Variants in CADM2 observed in about 807,000 individuals in gnomAD.
CADM2 encodes cell adhesion molecule 2, also known as immunoglobulin superfamily member 4D.
In CADM2, 12 loss-of-function variants were observed where a neutral mutation model predicts 49.8. The observed-to-expected ratio is 0.24, with a 90% CI of 0.15 to 0.39. The LOEUF is 0.39. Ranked by LOEUF, CADM2 falls within the 10% of genes least tolerant of loss-of-function variation. The pLI, the probability that CADM2 is intolerant of heterozygous loss-of-function variation, is 1.00. For synonymous variants in CADM2, 214 were observed against 175.4 expected (o/e 1.22, Z -1.74); for missense variants, 378 against 492.3 (o/e 0.77, Z 2.20).
At chr3:85,864,069 A>T (rs62261728) in intron 3 of CADM2, among the ~76,000 whole-genome samples, 2 of 152,202 alleles carry the variant, frequency 1.3e-5, no homozygotes, top group Non-Finnish European at 2.9e-5. Context: ...GAGTCCAGGA[A>T]CTAGGAGAAT....
At chr3:85,289,886 T>C (rs1453846116) in intron 1 of CADM2, among the ~76,000 whole-genome samples, 3 of 152,218 alleles carry the variant, frequency 2.0e-5, no homozygotes, top group African/African-American at 7.2e-5. Context: ...ATATTAGATA[T>C]GTTAAATAAA....
intron 3 of CADM2, among the ~76,000 whole-genome samples, chr3:85,866,472 G>GGCCAAA (rs1401525661): frequency 2.0e-5 from 3 of 152,014 alleles, no homozygotes. Context: ...CCATAGCCCT[G>GGCCAAA]ATTTGTGAAT....
At chr3:85,707,389 G>GT (rs2066982515) in intron 1 of CADM2, among the ~76,000 whole-genome samples, 1 of 113,464 alleles carries the variant, frequency 8.8e-6, no homozygotes, top group South Asian at 3.3e-4. Context: ...CTATATCATT[G>GT]TATCTTTTTT....
intron 1 of CADM2, among the ~76,000 whole-genome samples, chr3:85,117,157 G>T (rs1027136837): frequency 6.6e-6 from 1 of 152,028 alleles, no homozygotes; most frequent in Non-Finnish European, 1.5e-5. Context: ...GGAGGTGGAG[G>T]TTGCAGTGAG....
intron 1 of CADM2, among the ~76,000 whole-genome samples, chr3:85,456,861 G>A (rs901553511): frequency 3.5e-5 from 5 of 141,450 alleles, no homozygotes; most frequent in African/African-American, 1.3e-4. Context: ...ATACTCCCTT[G>A]TTTTTAGATC....
At chr3:85,531,380 A>G (rs894888537) in intron 1 of CADM2, among the ~76,000 whole-genome samples, 4 of 152,182 alleles carry the variant, frequency 2.6e-5, no homozygotes, top group Admixed American at 2.6e-4. Context: ...TTTTTTTGAC[A>G]GTATGAACTG....
intron 1 of CADM2, among the ~76,000 whole-genome samples, chr3:85,441,645 C>T (rs2037207167): frequency 6.6e-6 from 1 of 151,952 alleles, no homozygotes; most frequent in South Asian, 2.1e-4. Context: ...GCCTAAGTTC[C>T]AGGAAAATAC....
chr3:85,331,979 G>A (rs545559298), intron 1 of CADM2, among the ~76,000 whole-genome samples: 50 of 152,112 alleles, frequency 3.3e-4, no homozygotes, highest in Middle Eastern at 3.4e-3. Flanking sequence ...AGTACAAAAG[G>A]TCAACACCTT....
At chr3:85,746,094 G>A (rs866862421) in intron 2 of CADM2, among the ~76,000 whole-genome samples, 3 of 152,124 alleles carry the variant, frequency 2.0e-5, no homozygotes, top group African/African-American at 7.2e-5. Context: ...TAAAAGGATG[G>A]AGTTTTTTAT....
chr3:86,014,952 G>A, intron 8 of CADM2: 3 of 1,431,922 alleles, frequency 2.1e-6, no homozygotes, highest in Non-Finnish European at 2.0e-6. Context: ...GCGTCTTAAA[G>A]CATATTTAAG....
intron 8 of CADM2, among the ~76,000 whole-genome samples, chr3:86,010,603 T>A (rs1413852559): frequency 6.6e-6 from 1 of 150,760 alleles, no homozygotes; most frequent in Non-Finnish European, 1.5e-5. Flanking sequence ...TAAAAGAAAA[T>A]TTATGTGTCA....
chr3:85,269,398 A>G (rs1302597034), intron 1 of CADM2, among the ~76,000 whole-genome samples: 1 of 151,416 alleles, frequency 6.6e-6, no homozygotes, highest in African/African-American at 2.4e-5. Context: ...CAGAAGGAAT[A>G]TTGACAGATT....
intron 1 of CADM2, among the ~76,000 whole-genome samples, chr3:85,148,093 A>T (rs1000411126): frequency 1.3e-5 from 2 of 152,214 alleles, no homozygotes; most frequent in East Asian, 3.8e-4. Context: ...ACCCAACCTT[A>T]TCTAGGCAGG....
intron 1 of CADM2, among the ~76,000 whole-genome samples, chr3:85,501,453 T>C (rs2040112016): frequency 6.6e-6 from 1 of 152,134 alleles, no homozygotes; most frequent in African/African-American, 2.4e-5. Flanking sequence ...TTCCTTGAGA[T>C]GAAATAGTAT....
At chr3:85,508,276 A>G (rs2107680623) in intron 1 of CADM2, among the ~76,000 whole-genome samples, 1 of 152,210 alleles carries the variant, frequency 6.6e-6, no homozygotes, top group East Asian at 1.9e-4. Flanking sequence ...ATTATTAGAC[A>G]TTTCCCCCCC....
At chr3:85,486,631 A>G (rs534151992) in intron 1 of CADM2, among the ~76,000 whole-genome samples, 1 of 152,252 alleles carries the variant, frequency 6.6e-6, no homozygotes, top group East Asian at 1.9e-4. Flanking sequence ...ATGTTTTCCA[A>G]TGGATTCTAT....
intron 1 of CADM2, among the ~76,000 whole-genome samples, chr3:85,128,155 T>G (rs763973696): frequency 1.3e-5 from 2 of 152,158 alleles, no homozygotes; most frequent in Non-Finnish European, 2.9e-5. Flanking sequence ...TAAAAATCCA[T>G]CCAAGTTCTC....
chr3:85,867,489 G>A (rs747713317), intron 3 of CADM2, among the ~76,000 whole-genome samples: 1 of 151,942 alleles, frequency 6.6e-6, no homozygotes, highest in Non-Finnish European at 1.5e-5. Context: ...GAACATTTAT[G>A]CTGTTGCCAG....
At chr3:85,733,774 T>A (rs2068025862) in intron 2 of CADM2, among the ~76,000 whole-genome samples, 1 of 152,154 alleles carries the variant, frequency 6.6e-6, no homozygotes. Flanking sequence ...ATTATAATAC[T>A]TTTTTATTCT....
Sources: allele counts gnomAD v4.1 joint callset (sites outside exome capture counted in the v4.1 genomes callset), GRCh38; gene constraint gnomAD v4.1.1; transcripts MANE v1.5; gene names NCBI Gene and HGNC (gene_info 2026-07-23, HGNC 2026-07-21).